The following SNRPN variants were observed in gnomAD, a reference collection of about 807,000 sequenced individuals.
The protein encoded by SNRPN is small nuclear ribonucleoprotein-associated protein N.
SNRPN carries 7 observed loss-of-function variants against 25.2 expected under a neutral mutation model. That is an observed-to-expected ratio of 0.28 (90% CI 0.16 to 0.52). The LOEUF is 0.52. Ranked by LOEUF, SNRPN falls within the 20% of genes least tolerant of loss-of-function variation. SNRPN has a pLI of 0.96. For synonymous variants in SNRPN, 124 were observed against 110.6 expected, an observed-to-expected ratio of 1.12 and a Z score of -0.76; for missense variants, 196 against 322.5, an observed-to-expected ratio of 0.61 and a Z score of 3.00.
intron 2 of SNRPN, among the ~76,000 whole-genome samples, chr15:24,905,996 C>T (rs2058776266): frequency 6.6e-6 from 1 of 152,094 alleles, no homozygotes; most frequent in African/African-American, 2.4e-5. Flanking sequence ...ACGAGTGAGA[C>T]TCCTATAACA....
At chr15:24,959,618 T>G (rs1039625082) in intron 1 of SNRPN, among the ~76,000 whole-genome samples, 3 of 152,216 alleles carry the variant, frequency 2.0e-5, no homozygotes, top group Non-Finnish European at 4.4e-5. Flanking sequence ...AGATTAATCA[T>G]GGTTTAGTTG....
chr15:24,966,463 G>A (rs1329089738), intron 2 of SNRPN, among the ~76,000 whole-genome samples: 1 of 152,112 alleles, frequency 6.6e-6, no homozygotes, highest in East Asian at 1.9e-4. Flanking sequence ...ATGTTGACAA[G>A]ATTGAATCAC....
At chr15:24,883,552 A>G (rs557211233) in intron 1 of SNRPN, among the ~76,000 whole-genome samples, 38 of 152,306 alleles carry the variant, frequency 2.5e-4, no homozygotes, top group African/African-American at 9.1e-4. Context: ...CTGCAATTGC[A>G]CTTTGGATAA....
At chr15:24,856,214 A>G (rs902139298), upstream of SNRPN, among the ~76,000 whole-genome samples, 10 of 152,144 alleles carry the variant, frequency 6.6e-5, no homozygotes, top group African/African-American at 2.4e-4. Flanking sequence ...ACCTACACCA[A>G]TATTCTCAGT....
At chr15:24,864,092 A>T (rs1424830905) in intron 1 of SNRPN, among the ~76,000 whole-genome samples, 5 of 147,094 alleles carry the variant, frequency 3.4e-5, no homozygotes, top group Non-Finnish European at 7.4e-5. Flanking sequence ...CATGGCGTGA[A>T]CTCTGCTTAC....
chr15:24,888,856 A>C (rs934344458), intron 2 of SNRPN, among the ~76,000 whole-genome samples: 1 of 152,154 alleles, frequency 6.6e-6, no homozygotes, highest in Non-Finnish European at 1.5e-5. Context: ...TTCATCATTT[A>C]CTAAGATCCT....
At position 24,909,146 on chromosome 15, in the gene SNRPN, T is replaced by C. The variant is rs2059046834; in HGVS notation, c.-504-10865T>C. 3 of 1,359,602 alleles carry C rather than the reference T, an allele frequency of 2.2e-6. No individual in the cohort carries two copies. The Admixed American group carries it at 5.0e-5, about 23-fold the overall frequency. The allele number at this position is 1,359,602 out of a possible 1,614,324, so 84.2% of individuals were successfully genotyped here. A position where few individuals can be genotyped will look rare whatever the true frequency, so the allele number is the denominator to read the frequency against. On this transcript the variant is annotated intron_variant, in intron 2 of 11. Transcript: ENST00000400097. ...GTCTGGAGTTACCCTGTTCTTTATGTATTGAGAGAACTGTTTCTTGTAAGC... is the reference window on the plus strand; with the variant it reads ...GTCTGGAGTTACCCTGTTCTTTATGCATTGAGAGAACTGTTTCTTGTAAGC...
chr15:24,909,901 GA>G, intron 2 of SNRPN: 1 of 620,446 alleles, frequency 1.6e-6, no homozygotes, highest in Non-Finnish European at 2.9e-6. Flanking sequence ...GGGAGAAGGG[GA>G]AAGCTTTTTA....
chr15:24,838,084 G>C (rs2051376023), intron 2 of SNRPN, among the ~76,000 whole-genome samples: 2 of 150,210 alleles, frequency 1.3e-5, no homozygotes, highest in South Asian at 4.2e-4. Context: ...GCCTAGGCTG[G>C]AGTACAGTGG....
At position 24,877,696 on chromosome 15, in the gene SNRPN, AAAC is replaced by A. The variant is rs2056100808; in HGVS notation, c.-578-8818_-578-8816del. On this transcript the variant is annotated intron_variant, in intron 1 of 11. Transcript: ENST00000400097. ...CACACACACACACACACACACACAC[AAAC>A]ACACTAGCCGGGCGCAGTGGCGCGC... Among the ~76,000 whole-genome samples the A allele has an allele frequency of 1.2e-3, 145 of 122,884 alleles. 1 individual carries two copies. In the Middle Eastern group the frequency reaches 0.012, roughly 10 times the overall value. The allele number at this position is 122,884 out of a possible 152,430, so 80.6% of individuals were successfully genotyped here.
At chr15:24,931,553 G>A (rs2060854398) in intron 3 of SNRPN, among the ~76,000 whole-genome samples, 1 of 152,044 alleles carries the variant, frequency 6.6e-6, no homozygotes, top group South Asian at 2.1e-4. Context: ...TCAAGACCTA[G>A]GCTGGGCGGG....
chr15:24,915,111 G>C (rs2152328224), intron 2 of SNRPN, among the ~76,000 whole-genome samples: 1 of 151,650 alleles, frequency 6.6e-6, no homozygotes, highest in South Asian at 2.1e-4. Flanking sequence ...AGGAGAAGAG[G>C]GTTCTTTTTT....
chr15:24,919,022 T>C (rs1426493478), intron 2 of SNRPN, among the ~76,000 whole-genome samples: 1 of 140,568 alleles, frequency 7.1e-6, no homozygotes, highest in Non-Finnish European at 1.5e-5. Context: ...AATATATATG[T>C]GCGCATATAT....
intron 1 of SNRPN, among the ~76,000 whole-genome samples, chr15:24,880,250 AT>A (rs2056447293): frequency 6.6e-6 from 1 of 152,060 alleles, no homozygotes; most frequent in South Asian, 2.1e-4. Context: ...AGTAGAAGAG[AT>A]TGGAGAAAAG....
intron 6 of SNRPN, among the ~76,000 whole-genome samples, 168 bp from the exon 7 acceptor site, chr15:24,976,709 A>G (rs2077097954): frequency 6.6e-6 from 1 of 152,240 alleles, no homozygotes; most frequent in Non-Finnish European, 1.5e-5. Flanking sequence ...TGTGCATTTT[A>G]TACACAAGAT....
At chr15:24,856,354 G>C (rs1595486389), upstream of SNRPN, among the ~76,000 whole-genome samples, 1 of 152,294 alleles carries the variant, frequency 6.6e-6, no homozygotes, top group Middle Eastern at 3.4e-3. Context: ...TCCATTCTTG[G>C]TGGATTTTAT....
At chr15:24,969,348 CA>C (rs1284570705) in intron 3 of SNRPN, among the ~76,000 whole-genome samples, 1 of 151,822 alleles carries the variant, frequency 6.6e-6, no homozygotes, top group Non-Finnish European at 1.5e-5. Context: ...AGGCTGGTCT[CA>C]AACTCCTGAA....
At chr15:24,901,599 G>A (rs1353310322) in intron 2 of SNRPN, among the ~76,000 whole-genome samples, 1 of 152,156 alleles carries the variant, frequency 6.6e-6, no homozygotes, top group African/African-American at 2.4e-5. Context: ...TTGCCACTCT[G>A]TGCATGACCA....
intron 3 of SNRPN, among the ~76,000 whole-genome samples, chr15:24,938,805 A>G (rs1020101454): frequency 6.6e-6 from 1 of 152,166 alleles, no homozygotes; most frequent in Non-Finnish European, 1.5e-5. Flanking sequence ...GATGGTCTCT[A>G]GTGACTTGGT....
Sources: allele counts gnomAD v4.1 joint callset (sites outside exome capture counted in the v4.1 genomes callset), GRCh38; gene constraint gnomAD v4.1.1; transcripts MANE v1.5; gene names NCBI Gene and HGNC (gene_info 2026-07-23, HGNC 2026-07-21).